The following TP53BP2 variants were observed in gnomAD, a reference collection of about 807,000 sequenced individuals.
TP53BP2 encodes the protein apoptosis-stimulating of p53 protein 2.
TP53BP2 carries 62 observed loss-of-function variants against 126.2 expected under a neutral mutation model. That is an observed-to-expected ratio of 0.49 (90% CI 0.40 to 0.61). The LOEUF is 0.61. Among genes scored for constraint, TP53BP2 ranks in the 20% least tolerant of loss-of-function variants. TP53BP2 has a pLI of 0.00. For synonymous variants in TP53BP2, 485 were observed against 502.9 expected, an observed-to-expected ratio of 0.96 and a Z score of 0.48; for missense variants, 1,215 against 1,402.8, an observed-to-expected ratio of 0.87 and a Z score of 2.14.
At position 223,833,668 on chromosome 1, in the gene TP53BP2, T is replaced by C. The variant is rs945071368; in HGVS notation, c.27+11986A>G. Among the ~76,000 whole-genome samples, 89 of 152,196 alleles carry C rather than the reference T, an allele frequency of 5.8e-4. 2 individuals carry two copies. Among genetic ancestry groups the C allele is most frequent in the Admixed American group, 5.8e-3 (89 of 15,282 alleles). On this transcript the variant is annotated intron_variant, in intron 1 of 17. Transcript: ENST00000343537. ...TACATAGAAACCTATAGGAGTCATA[T>C]CCTATCAAAGCCAGCCATGCCAAAG...
chr1:223,791,885 C>T (rs1662167584), intron 15 of TP53BP2, among the ~76,000 whole-genome samples: 1 of 152,034 alleles, frequency 6.6e-6, no homozygotes, highest in African/African-American at 2.4e-5. Context: ...TAACATTTCC[C>T]CTATCCTGCA....
At chr1:223,821,076 G>A in intron 2 of TP53BP2, 144 bp downstream of exon 2, 9 of 1,003,382 alleles carry the variant, frequency 9.0e-6, no homozygotes, top group Non-Finnish European at 1.3e-5. Flanking sequence ...TACCAAAGCT[G>A]GATCAGGAAC....
intron 1 of TP53BP2, chr1:223,834,879 C>T: frequency 1.0e-6 from 1 of 984,958 alleles, no homozygotes; most frequent in Non-Finnish European, 1.2e-6. Flanking sequence ...CAACCATTCA[C>T]ACTGTAGTTG....
intron 1 of TP53BP2, among the ~76,000 whole-genome samples, chr1:223,829,324 T>A (rs957217771): frequency 2.0e-5 from 3 of 152,100 alleles, no homozygotes; most frequent in Admixed American, 1.3e-4. Context: ...ATATATATAT[T>A]TTTATATGTT....
At chr1:223,831,480 AATAT>A (rs10543436) in intron 1 of TP53BP2, among the ~76,000 whole-genome samples, 1,099 of 32,260 alleles carry the variant, frequency 0.034, 14 homozygotes, top group Middle Eastern at 0.067. Flanking sequence ...AAAAAAAAAA[AATAT>A]ATATATATAT....
chr1:223,813,376 T>C (rs1304780027), intron 3 of TP53BP2, among the ~76,000 whole-genome samples: 1 of 152,208 alleles, frequency 6.6e-6, no homozygotes, highest in Non-Finnish European at 1.5e-5. Flanking sequence ...TTCTGTTTTT[T>C]GACCACTATT....
chr1:223,784,219 C>G lies in TP53BP2; in HGVS notation c.3259G>C (p.Gly1087Arg), dbSNP rs1190064231. Residue 1087 changes from glycine (G) to arginine (R), a missense_variant, in exon 17 of 18, where the codon GGA (glycine) becomes CGA (arginine). Gly to Arg is a moderately radical substitution (Grantham distance 125, BLOSUM62 -2). This residue lies in a region of TP53BP2 where 151 missense variants were observed against 231.2 expected (regional missense o/e 0.65). Coordinates refer to ENST00000343537, the MANE Select transcript of TP53BP2 (RefSeq NM_001031685.3). Reference protein sequence around the residue: ...QNDDELPMKEGDCMTIIHRED... With the variant: ...QNDDELPMKERDCMTIIHRED... ...CTGTGGATGATTGTCATGCAGTCTC[C>G]TTCTTTCATGGGCAGCTCATCATCA... 1 of 1,614,018 alleles carries G rather than the reference C, an allele frequency of 6.2e-7. No individual in the cohort carries two copies. Among genetic ancestry groups the G allele is most frequent in the Non-Finnish European group, 8.5e-7 (1 of 1,180,026 alleles).
intron 1 of TP53BP2, chr1:223,845,289 G>C: frequency 1.0e-6 from 1 of 981,828 alleles, no homozygotes; most frequent in Non-Finnish European, 1.2e-6. Context: ...ACACAGCAAA[G>C]AACAAGGTCC....
chr1:223,787,614 C>T (rs6682964), intron 16 of TP53BP2, among the ~76,000 whole-genome samples: 17,418 of 152,004 alleles, frequency 0.11, 1,230 homozygotes, highest in African/African-American at 0.2. Context: ...TGGTGGCTCA[C>T]ACCTGTAATG....
chr1:223,788,456 A>G (rs542903772), intron 16 of TP53BP2, among the ~76,000 whole-genome samples: 7 of 152,380 alleles, frequency 4.6e-5, no homozygotes, highest in African/African-American at 1.4e-4. Context: ...ATATCTATCT[A>G]AAACTTCAAG....
Position 223,799,994 on chromosome 1 carries a change from A to C in TP53BP2, c.1390T>G (p.Ser464Ala), listed in dbSNP as rs1390401196. 6.2e-7 allele frequency: 1 copy of C among 1,612,992 alleles called. No individual in the cohort carries two copies. The highest frequency in any genetic ancestry group is 2.2e-5 in the East Asian group (1 of 44,838). ...GACTGGTCTACTGCATCAAACATTG[A>C]GAACGGACGCACTTTCTTCTCTTTC... ...REKEKKVRPF[S>A]MFDAVDQSNA... The change falls in exon 11 of 18, where the codon TCA becomes GCA. Residue 464 changes from serine to alanine, a missense_variant. Transcript: ENST00000343537.
intron 1 of TP53BP2, among the ~76,000 whole-genome samples, chr1:223,837,729 T>C (rs1374734827): frequency 1.3e-5 from 2 of 152,168 alleles, no homozygotes; most frequent in Non-Finnish European, 2.9e-5. Context: ...TAAGGTCCAC[T>C]GTCCACACAG....
In TP53BP2 at chr1:223,804,108, G is replaced by T. The variant is rs936602013; in HGVS notation, c.649+66C>A. The T allele has an allele frequency of 7.2e-6, 11 of 1,520,636 alleles. No homozygotes were observed. In the African/African-American group the frequency reaches 1.1e-4, roughly 15 times the overall value. 94.2% of individuals were successfully genotyped at this position (1,520,636 alleles called of 1,614,324 possible). On this transcript the variant is annotated intron_variant, in intron 6 of 17. Transcript: ENST00000343537. ...AAGACCAGCCTGGGCAACACAGTAA[G>T]ACCCTGTCTCAAAAAAACCAGACAA...
In TP53BP2 at chr1:223,796,145, T is replaced by C. The variant is rs1662312633; in HGVS notation, c.2394A>G (p.Leu798=). Residue 798 remains leucine (L), a synonymous_variant, in exon 13 of 18, where the codon TTA becomes TTG. Transcript: ENST00000343537. This position sits in a 1 kb window ranked among gnomAD's most constrained non-coding sequence, Gnocchi z 4.2. Reference sequence around the variant, plus strand: ...CCACCTCCTTTTCGGGCTCCACATGTAAATATGGATTCTGGATTTCTACTG... The same window carrying C: ...CCACCTCCTTTTCGGGCTCCACATGCAAATATGGATTCTGGATTTCTACTG... ...ESPVEIQNPY[L]HVEPEKEVVS... 3 of 1,614,060 alleles carry C rather than the reference T, an allele frequency of 1.9e-6. No individual in the cohort carries two copies. Among genetic ancestry groups the C allele is most frequent in the Non-Finnish European group, 2.5e-6 (3 of 1,180,042 alleles).
intron 10 of TP53BP2, 106 bp downstream of exon 10, chr1:223,800,593 AC>A: frequency 2.4e-6 from 2 of 849,224 alleles, no homozygotes; most frequent in South Asian, 2.0e-5. Context: ...TTTAAAAAAA[AC>A]AAAAAAAGGA....
chr1:223,814,107 A>G (rs1663004494), intron 3 of TP53BP2, 133 bp downstream of exon 3: 2 of 636,150 alleles, frequency 3.1e-6, no homozygotes, highest in Non-Finnish European at 5.5e-6. Flanking sequence ...TCGACAGCCT[A>G]TCTCCACTGT....
intron 2 of TP53BP2, among the ~76,000 whole-genome samples, chr1:223,820,569 A>G (rs1427829299): frequency 6.6e-6 from 1 of 152,228 alleles, no homozygotes; most frequent in African/African-American, 2.4e-5. Flanking sequence ...GTTAGCTATC[A>G]TGAATGGCAT....
rs1466484713 is a variant in TP53BP2 at position 223,802,854 on chromosome 1, T to C, written c.873A>G (p.Gln291=). The change falls in exon 8 of 18, where the codon CAA becomes CAG. Residue 291 remains glutamine (Q), a synonymous_variant. Coordinates refer to ENST00000343537, the MANE Select transcript of TP53BP2 (RefSeq NM_001031685.3). ...KLNQEQNAKL[Q]QQRECLNKRN... ...GCTTATTCAAACACTCCCTCTGTTG[T>C]TGTAGCTTGGCATTCTGCTCTTGAT... 4.3e-6 allele frequency: 7 copies of C among 1,614,094 alleles called. No individual in the cohort carries two copies. Among genetic ancestry groups the C allele is most frequent in the Admixed American group, 3.3e-5 (2 of 60,012 alleles).
chr1:223,806,234 A>G (rs1331031919), intron 5 of TP53BP2, among the ~76,000 whole-genome samples: 1 of 152,122 alleles, frequency 6.6e-6, no homozygotes. Context: ...TAGTTCCTAG[A>G]AGCAAAGATG....
Sources: allele counts gnomAD v4.1 joint callset (sites outside exome capture counted in the v4.1 genomes callset), GRCh38; gene constraint gnomAD v4.1.1; regional missense constraint gnomAD v4.1.1; non-coding constraint Gnocchi (gnomAD v3.1); transcripts MANE v1.5; gene names NCBI Gene and HGNC (gene_info 2026-07-23, HGNC 2026-07-21).